ARID1B: variants seen among roughly 807,000 people sequenced by gnomAD.
ARID1B encodes AT-rich interaction domain 1B.
A neutral mutation model predicts 212.3 loss-of-function variants in ARID1B; 30 were observed. The ratio of observed to expected loss-of-function variants is 0.14; its 90% CI spans 0.11 to 0.19. ARID1B has a LOEUF of 0.19. Among genes scored for constraint, ARID1B ranks in the 10% least tolerant of loss-of-function variants. The probability of loss-of-function intolerance (pLI) is 1.00; values close to 1 mark genes in which losing one functional copy is unlikely to be tolerated. For missense variants in ARID1B, 2,891 were observed against 3,204.0 expected (o/e 0.90, Z 2.36); for synonymous variants, 1,402 against 1,301.7 (o/e 1.08, Z -1.66).
intron 4 of ARID1B, among the ~76,000 whole-genome samples, chr6:157,039,743 CCCTTCCTTCCTTCCTACCTTCCTACCTA>C (rs1781688495): frequency 3.3e-5 from 3 of 92,118 alleles, no homozygotes; most frequent in African/African-American, 1.5e-4. Flanking sequence ...CTCCCTCCCT[CCCTTCCTTCCTTCCTACCTTCCTACCTA>C]CCTACCTTCC....
chr6:157,156,511 G>A (rs1477649082), intron 8 of ARID1B, among the ~76,000 whole-genome samples: 1 of 152,192 alleles, frequency 6.6e-6, no homozygotes, highest in Non-Finnish European at 1.5e-5. Context: ...AAATCAAAAA[G>A]TAGTAAAACA....
intron 2 of ARID1B, among the ~76,000 whole-genome samples, chr6:156,852,332 C>T (rs1381152558): frequency 6.6e-6 from 1 of 151,940 alleles, no homozygotes; most frequent in Non-Finnish European, 1.5e-5. Context: ...CACCTGTAGT[C>T]TCAAGCTTGA....
chr6:156,824,530 C>T (rs1220996935), intron 1 of ARID1B, among the ~76,000 whole-genome samples: 2 of 152,088 alleles, frequency 1.3e-5, no homozygotes, highest in Non-Finnish European at 1.5e-5. Flanking sequence ...TTTGGGAGGT[C>T]GAGGCAGGCG....
chr6:157,170,685 C>T (rs1791657915), intron 9 of ARID1B, among the ~76,000 whole-genome samples: 1 of 152,122 alleles, frequency 6.6e-6, no homozygotes, highest in Non-Finnish European at 1.5e-5. Context: ...CTGGGGGTGG[C>T]CACAGTGGGG....
At chr6:156,971,029 G>A (rs1210346170) in intron 4 of ARID1B, among the ~76,000 whole-genome samples, 1 of 152,178 alleles carries the variant, frequency 6.6e-6, no homozygotes, top group African/African-American at 2.4e-5. Flanking sequence ...TTACTGCTGT[G>A]TCCTCATTCA....
chr6:156,807,476 A>C (rs1781258142), intron 1 of ARID1B, among the ~76,000 whole-genome samples: 1 of 149,618 alleles, frequency 6.7e-6, no homozygotes, highest in South Asian at 2.1e-4. Context: ...AAAGAGAGTT[A>C]CAGACATGTA....
At chr6:157,152,450 G>A (rs948884089) in intron 8 of ARID1B, 1 of 152,152 alleles carries the variant, frequency 6.6e-6, no homozygotes, top group Non-Finnish European at 1.5e-5. Context: ...ATCTTATAAA[G>A]CACACTTGGC....
intron 1 of ARID1B, among the ~76,000 whole-genome samples, chr6:156,822,709 T>G (rs191707101): frequency 3.9e-5 from 6 of 152,350 alleles, no homozygotes; most frequent in East Asian, 1.9e-4. Context: ...TTGTGTCTTC[T>G]GCAGGTGTGT....
intron 4 of ARID1B, among the ~76,000 whole-genome samples, chr6:156,991,868 G>T (rs1184500033): frequency 6.6e-6 from 1 of 152,044 alleles, no homozygotes; most frequent in Non-Finnish European, 1.5e-5. Flanking sequence ...TGCTTCTCCA[G>T]GACATGTTTG....
intron 3 of ARID1B, among the ~76,000 whole-genome samples, chr6:156,902,618 G>A (rs1431682866): frequency 6.6e-6 from 1 of 150,848 alleles, no homozygotes; most frequent in African/African-American, 2.4e-5. Context: ...TCGAGACCCA[G>A]TACAATCTTG....
At chr6:156,823,066 C>T (rs1782473736) in intron 1 of ARID1B, among the ~76,000 whole-genome samples, 1 of 152,212 alleles carries the variant, frequency 6.6e-6, no homozygotes, top group Admixed American at 6.5e-5. Flanking sequence ...CCTTATCGAG[C>T]TTGTTTCACA....
chr6:156,814,953 T>C (rs539515604), intron 1 of ARID1B, among the ~76,000 whole-genome samples: 4 of 152,306 alleles, frequency 2.6e-5, no homozygotes, highest in South Asian at 2.1e-4. Flanking sequence ...CAATTATCAA[T>C]AGACTATTAA....
At chr6:156,958,151 A>G (rs1794103092) in intron 4 of ARID1B, among the ~76,000 whole-genome samples, 2 of 152,200 alleles carry the variant, frequency 1.3e-5, no homozygotes, top group African/African-American at 4.8e-5. Context: ...TACCATTTGT[A>G]GTCCAATCCA....
intron 3 of ARID1B, among the ~76,000 whole-genome samples, chr6:156,906,091 G>C (rs546780983): frequency 6.4e-4 from 97 of 152,298 alleles, no homozygotes; most frequent in African/African-American, 2.1e-3. Context: ...GGGAGGTGGG[G>C]CTGTAGTAGG....
intron 7 of ARID1B, among the ~76,000 whole-genome samples, chr6:157,139,281 G>A (rs1479085543): frequency 6.6e-6 from 1 of 152,196 alleles, no homozygotes; most frequent in African/African-American, 2.4e-5. Context: ...TTAAGACAGC[G>A]GTGGGTGGCA....
intron 6 of ARID1B, among the ~76,000 whole-genome samples, chr6:157,129,329 C>G (rs564601797): frequency 6.6e-6 from 1 of 152,196 alleles, no homozygotes; most frequent in Non-Finnish European, 1.5e-5. Context: ...GCTCATGACG[C>G]AAACAAGACC....
At chr6:156,944,440 C>T (rs575706780) in intron 4 of ARID1B, among the ~76,000 whole-genome samples, 2 of 152,238 alleles carry the variant, frequency 1.3e-5, no homozygotes, top group South Asian at 2.1e-4. Context: ...CCTCCTTCCT[C>T]TCCTGTATGA....
intron 2 of ARID1B, among the ~76,000 whole-genome samples, chr6:156,866,289 G>GT (rs1325947588): frequency 6.6e-6 from 1 of 152,160 alleles, no homozygotes; most frequent in African/African-American, 2.4e-5. Flanking sequence ...ATCTGCCAGG[G>GT]TGAAGGAGGA....
intron 6 of ARID1B, among the ~76,000 whole-genome samples, chr6:157,125,047 A>G (rs1425637914): frequency 1.3e-5 from 2 of 152,216 alleles, no homozygotes; most frequent in East Asian, 3.8e-4. Flanking sequence ...CCTAAGTGAC[A>G]GAACCAGAAT....
Sources: gnomAD v4.1 joint callset for allele counts (sites outside exome capture counted in the v4.1 genomes callset) on GRCh38, gnomAD v4.1.1 for gene constraint, MANE v1.5 for transcripts, NCBI Gene and HGNC (gene_info 2026-07-23, HGNC 2026-07-21) for gene names.